XDH: variants seen among roughly 807,000 people sequenced by gnomAD.
XDH encodes the protein xanthine dehydrogenase, also known as xanthine dehydrogenase/oxidase.
Under a neutral mutation model 156.1 loss-of-function variants are expected in XDH, and 138 were observed. The observed-to-expected ratio is 0.88, with a 90% CI of 0.77 to 1.02. The LOEUF is 1.02. Among genes scored for constraint, XDH ranks in the 50% least tolerant of loss-of-function variants. The pLI is 0.00. For synonymous variants in XDH, 669 were observed against 625.7 expected, an observed-to-expected ratio of 1.07 and a Z score of -1.03; for missense variants, 1,849 against 1,684.9, an observed-to-expected ratio of 1.10 and a Z score of -1.71.
chr2:31,364,094 G>A, intron 24 of XDH, 64 bp downstream of exon 24: 1 of 1,528,018 alleles, frequency 6.5e-7, no homozygotes, highest in Non-Finnish European at 9.1e-7. Context: ...GCCTGTGCCT[G>A]CGTGGGAACA....
chr2:31,345,477 A>C (rs1288188757), intron 30 of XDH, among the ~76,000 whole-genome samples: 1 of 152,194 alleles, frequency 6.6e-6, no homozygotes, highest in Non-Finnish European at 1.5e-5. Context: ...TACTTGATAT[A>C]ATTTATGCCT....
rs1684927032 is a variant in XDH, at chr2:31,334,591, A to G, written c.*1367T>C. ...GATCTCAGCAGAGTTCATTAGACCC[A>G]GGTATCATATGACAGTAAGAAAACC... On this transcript the variant is annotated 3_prime_UTR_variant, in exon 36 of 36. Transcript: ENST00000379416. 1 of 152,208 alleles carries G rather than the reference A, an allele frequency of 6.6e-6. No individual in the cohort carries two copies. Among genetic ancestry groups the G allele is most frequent in the Non-Finnish European group, 1.5e-5 (1 of 68,042 alleles). The allele number at this position is 152,208 out of a possible 1,614,324, so 9.4% of individuals were successfully genotyped here.
At chr2:31,414,007 A>C (rs762161490) in intron 1 of XDH, among the ~76,000 whole-genome samples, 8 of 152,100 alleles carry the variant, frequency 5.3e-5, no homozygotes, top group Non-Finnish European at 1.0e-4. Flanking sequence ...TGCAGCTTAC[A>C]TGTAGAACTC....
chr2:31,378,074 GAAA>G, intron 13 of XDH, among the ~76,000 whole-genome samples: 1 of 25,898 alleles, frequency 3.9e-5, no homozygotes, highest in South Asian at 2.0e-3. Flanking sequence ...AAGAAAGAAA[GAAA>G]GAAAGAAAGA....
At chr2:31,364,301 T>A in intron 23 of XDH, 57 bp from the exon 24 acceptor site, 1 of 1,531,756 alleles carries the variant, frequency 6.5e-7, no homozygotes, top group Non-Finnish European at 9.0e-7. Flanking sequence ...CCCACCTCTC[T>A]GTCTCCCTCT....
intron 6 of XDH, among the ~76,000 whole-genome samples, chr2:31,391,459 C>T (rs1180956736): frequency 6.6e-6 from 1 of 152,032 alleles, no homozygotes; most frequent in Admixed American, 6.5e-5. Context: ...TCTCTATTCT[C>T]CTTCAATATT....
intron 24 of XDH, among the ~76,000 whole-genome samples, chr2:31,353,000 C>T (rs1287197480): frequency 1.3e-5 from 2 of 149,050 alleles, no homozygotes; most frequent in African/African-American, 5.0e-5. Flanking sequence ...GGATTATAAG[C>T]ATGAGCCACC....
chr2:31,345,069 C>T (rs905972060), intron 30 of XDH, among the ~76,000 whole-genome samples: 8 of 152,164 alleles, frequency 5.3e-5, no homozygotes, highest in Admixed American at 1.3e-4. Flanking sequence ...GCCTGTAGAG[C>T]AAATGCCTGA....
intron 33 of XDH, 130 bp from the exon 34 acceptor site, chr2:31,339,807 CT>C: frequency 8.4e-7 from 1 of 1,194,258 alleles, no homozygotes; most frequent in Non-Finnish European, 1.2e-6. Flanking sequence ...CCCTCTATTG[CT>C]TACCTGGCTC....
chr2:31,364,030 A>G lies in XDH; in HGVS notation c.2631+128T>C, dbSNP rs374022058. ...GATTAATCGAGGATGGGAAACCTGA[A>G]GGTGGGGACCCATTAGGAGACTACT... is the stretch of plus-strand genomic sequence containing the variant. On this transcript the variant is annotated intron_variant, in intron 24 of 35. Transcript: ENST00000379416. 131 of 784,076 alleles carry G rather than the reference A, an allele frequency of 1.7e-4. No homozygotes were observed. In the African/African-American group the frequency reaches 2.0e-3, roughly 12 times the overall value. The allele number at this position is 784,076 out of a possible 1,614,324, so 48.6% of individuals were successfully genotyped here. A position where few individuals can be genotyped will look rare whatever the true frequency, so the allele number is the denominator to read the frequency against.
rs1211886664 is a variant in XDH at position 31,350,136 on chromosome 2, G to A, written c.2719C>T (p.Pro907Ser). Residue 907 changes from proline (P) to serine (S), a missense_variant, in exon 25 of 36, where the codon CCC becomes TCC. Coordinates refer to ENST00000379416, the MANE Select transcript of XDH (RefSeq NM_000379.4). ...AAGCCCCGGAAGGCCGTGTTGGAGG[G>A]AAGGTTGGTTTTGCACAGCCGCCCA... ...GTGRLCKTNLPSNTAFRGFGG... is the reference protein window; with the variant it reads ...GTGRLCKTNLSSNTAFRGFGG... 2 of 1,614,110 alleles carry A rather than the reference G, an allele frequency of 1.2e-6. No individual in the cohort carries two copies. The highest frequency in any genetic ancestry group is 1.7e-6 in the Non-Finnish European group (2 of 1,180,054).
chr2:31,344,583 T>C, intron 31 of XDH, 101 bp downstream of exon 31: 1 of 1,348,938 alleles, frequency 7.4e-7, no homozygotes, highest in South Asian at 1.2e-5. Context: ...GTGGAGCTGC[T>C]CTCTCCTGAC....
Position 31,405,909 on chromosome 2 carries a change from T to G in XDH, c.98A>C (p.Lys33Thr), listed in dbSNP as rs146551089. 1.2e-6 allele frequency: 2 copies of G among 1,614,144 alleles called. No individual in the cohort carries two copies. The highest frequency in any genetic ancestry group is 2.2e-5 in the East Asian group (1 of 44,884). Residue 33 changes from lysine (K) to threonine (T), a missense_variant and splice_region_variant, in exon 2 of 36, where the codon AAG becomes ACG. Transcript: ENST00000379416. ...CTCCCACTCCAAAGTCAGGATACAC[T>G]TTCTTCTCAGGTAGGCCAAAAGGGT... ...ETTLLAYLRR[K>T]LGLSGTKLGC...
At chr2:31,376,936 T>C (rs1686261620) in intron 14 of XDH, 117 bp downstream of exon 14, 1 of 1,326,742 alleles carries the variant, frequency 7.5e-7, no homozygotes, top group Non-Finnish European at 1.1e-6. Context: ...GCAGTAGTTA[T>C]GGTAGTAGTA....
At position 31,347,589 on chromosome 2, in the gene XDH, T is replaced by G. The variant is rs1432505872; in HGVS notation, c.3209A>C (p.Asn1070Thr). 1 of 1,614,158 alleles carries G rather than the reference T, an allele frequency of 6.2e-7. No homozygotes were observed. Among genetic ancestry groups the G allele is most frequent in the South Asian group, 1.1e-5 (1 of 91,082 alleles). ...CGTGGGAGAGGTGTTGGGCACAGTG[T>G]TAGTGCTTGTCTCGCTGATATAAAT... Reference protein sequence around the residue: ...SKIYISETSTNTVPNTSPTAA... With the variant: ...SKIYISETSTTTVPNTSPTAA... The change falls in exon 29 of 36, where the codon AAC (asparagine) becomes ACC (threonine). Residue 1070 changes from asparagine (N) to threonine (T), a missense_variant. Physicochemically the swap from Asn to Thr is moderately conservative, Grantham distance 65. Coordinates refer to ENST00000379416, the MANE Select transcript of XDH (RefSeq NM_000379.4).
Position 31,381,695 on chromosome 2 carries a change from G to T in XDH, c.1070C>A (p.Pro357His). ...SVGGNIITASPISDLNPVFMA... is the reference protein window; with the variant it reads ...SVGGNIITASHISDLNPVFMA... ...GAACACGGGGTTGAGGTCGGAGATG[G>T]GGCTGGCAGTGATGATGTTCCCTCC... Residue 357 changes from proline (P) to histidine (H), a missense_variant, in exon 12 of 36, where the codon CCC becomes CAC. Physicochemically the swap from Pro to His is moderately conservative, Grantham distance 77 (BLOSUM62 -2). Coordinates refer to ENST00000379416, the MANE Select transcript of XDH (RefSeq NM_000379.4). 1 of 1,613,950 alleles carries T rather than the reference G, an allele frequency of 6.2e-7. No individual in the cohort carries two copies. The highest frequency in any genetic ancestry group is 2.2e-5 in the East Asian group (1 of 44,852).
rs187072599 is a variant in XDH, at chr2:31,353,827, C to T, written c.2632-3604G>A. On this transcript the variant is annotated intron_variant, in intron 24 of 35. Coordinates refer to ENST00000379416, the MANE Select transcript of XDH (RefSeq NM_000379.4). ...CAGTAGGAGCCCAGACTTCCACATT[C>T]ATGAGGCTGTTATGAGATACCCCAA... Among the ~76,000 whole-genome samples the T allele has an allele frequency of 2.6e-5, 4 of 152,312 alleles. No individual in the cohort carries two copies. In the East Asian group the frequency reaches 5.8e-4, roughly 22 times the overall value.
rs1261956564 is a variant in XDH at position 31,368,005 on chromosome 2, C to T, written c.2153G>A (p.Gly718Glu). 6.2e-7 allele frequency: 1 copy of T among 1,614,162 alleles called. No individual in the cohort carries two copies. Residue 718 changes from glycine to glutamate, a missense_variant, in exon 20 of 36, where the codon GGG (glycine) becomes GAG (glutamate). Gly to Glu is a moderately conservative substitution (Grantham distance 98). Coordinates refer to ENST00000379416, the MANE Select transcript of XDH (RefSeq NM_000379.4). The stretch of plus-strand genomic sequence containing the variant: ...TTCGGAAAACCCCTTCTTTAGGTCC[C>T]CTTTCTCGATCTTCAGCTCAGGTCC... ...FYGPELKIEKGDLKKGFSEAD... is the reference protein window; with the variant it reads ...FYGPELKIEKEDLKKGFSEAD...
intron 24 of XDH, among the ~76,000 whole-genome samples, chr2:31,354,916 C>T (rs1231280225): frequency 6.6e-6 from 1 of 152,118 alleles, no homozygotes; most frequent in Non-Finnish European, 1.5e-5. Flanking sequence ...GATATGTAAA[C>T]CTACAGATTC....
Sources: gnomAD v4.1 joint callset for allele counts (sites outside exome capture counted in the v4.1 genomes callset) on GRCh38, gnomAD v4.1.1 for gene constraint, MANE v1.5 for transcripts, NCBI Gene and HGNC (gene_info 2026-07-23, HGNC 2026-07-21) for gene names.